Variants in MYRFL observed in about 807,000 individuals in gnomAD.
MYRFL encodes myelin regulatory factor like.
In MYRFL, 88 loss-of-function variants were observed where a neutral mutation model predicts 109.4. The ratio of observed to expected loss-of-function variants is 0.80; its 90% CI spans 0.68 to 0.96. MYRFL has a LOEUF of 0.96. MYRFL is among the 40% of genes least tolerant of loss of function. The probability of loss-of-function intolerance (pLI) is 0.00; values close to 1 mark genes in which losing one functional copy is unlikely to be tolerated. For synonymous variants in MYRFL, 324 were observed against 320.9 expected, an observed-to-expected ratio of 1.01 and a Z score of -0.10; for missense variants, 957 against 954.9, an observed-to-expected ratio of 1.00 and a Z score of -0.03.
At chr12:69,872,954 T>TTAA (rs1366384535) in intron 2 of MYRFL, among the ~76,000 whole-genome samples, 2 of 152,170 alleles carry the variant, frequency 1.3e-5, no homozygotes, top group African/African-American at 4.8e-5. Flanking sequence ...ATGGGAGTGT[T>TTAA]TAATCTTTTA....
At chr12:69,927,636 C>T in intron 14 of MYRFL, 49 bp from the exon 15 acceptor site, 3 of 1,380,842 alleles carry the variant, frequency 2.2e-6, no homozygotes, top group Non-Finnish European at 3.0e-6. Context: ...TGTCATGTAT[C>T]TCCTGGAGAG....
At chr12:69,929,879 G>A (rs1036329127) in intron 15 of MYRFL, among the ~76,000 whole-genome samples, 8 of 152,186 alleles carry the variant, frequency 5.3e-5, no homozygotes, top group African/African-American at 4.8e-5. Flanking sequence ...TTATTGTGAG[G>A]ATTAAATAAA....
At position 69,936,078 on chromosome 12, in the gene MYRFL, G is replaced by GTTTTTTT. The variant is rs71098067; in HGVS notation, c.1917-12_1917-6dup. The GTTTTTTT allele has an allele frequency of 9.2e-5, 82 of 893,910 alleles. 5 individuals are homozygous for GTTTTTTT. Among genetic ancestry groups the GTTTTTTT allele is most frequent in the East Asian group, 5.4e-4 (9 of 16,628 alleles). 55.4% of individuals were successfully genotyped at this position (893,910 alleles called of 1,614,324 possible). On this transcript the variant is annotated intron_variant, in intron 16 of 24. Transcript: ENST00000552032. ...TCTGGAAACAAATCTGCCACATAAT[G>GTTTTTTT]TTTTTTTTTTTTTTTTTTTTTTTTT...
chr12:69,854,363 G>GAGAGGA (rs1884138979), intron 1 of MYRFL, among the ~76,000 whole-genome samples: 1 of 151,572 alleles, frequency 6.6e-6, no homozygotes, highest in South Asian at 2.1e-4. Flanking sequence ...GAGGGAGAGG[G>GAGAGGA]AGAGGGAGAG....
chr12:69,942,429 A>C (rs1408791944), intron 19 of MYRFL, among the ~76,000 whole-genome samples: 1 of 150,544 alleles, frequency 6.6e-6, no homozygotes, highest in Non-Finnish European at 1.5e-5. Context: ...AGCCAAAGAC[A>C]AAAACCACAT....
intron 19 of MYRFL, among the ~76,000 whole-genome samples, chr12:69,951,734 C>T (rs973985444): frequency 6.6e-6 from 1 of 152,192 alleles, no homozygotes; most frequent in African/African-American, 2.4e-5. Context: ...GGCTCCTAAT[C>T]TTCTGCTCTT....
intron 1 of MYRFL, among the ~76,000 whole-genome samples, chr12:69,851,049 G>C (rs1883849372): frequency 6.6e-6 from 1 of 151,994 alleles, no homozygotes; most frequent in African/African-American, 2.4e-5. Context: ...TCATGGAATG[G>C]ATCTTACTTA....
intron 8 of MYRFL, among the ~76,000 whole-genome samples, chr12:69,894,818 T>C (rs1206836021): frequency 6.6e-6 from 1 of 152,222 alleles, no homozygotes; most frequent in East Asian, 1.9e-4. Context: ...AAGAAGATGA[T>C]TTCATGGCCT....
At chr12:69,910,977 A>T in intron 13 of MYRFL, 47 bp downstream of exon 13, 1 of 1,346,830 alleles carries the variant, frequency 7.4e-7, no homozygotes, top group Non-Finnish European at 1.0e-6. Context: ...CAGTCTAGGG[A>T]TAAACCCCCT....
chr12:69,841,234 C>T (rs181893653), intron 1 of MYRFL, among the ~76,000 whole-genome samples: 137 of 152,254 alleles, frequency 9.0e-4, no homozygotes, highest in Middle Eastern at 6.8e-3. Context: ...GCTCCTTCCC[C>T]GGCTCCTCAT....
intron 2 of MYRFL, 112 bp from the exon 3 acceptor site, chr12:69,878,916 C>G (rs1885866130): frequency 1.5e-6 from 1 of 679,130 alleles, no homozygotes; most frequent in Non-Finnish European, 2.7e-6. Flanking sequence ...CCATGCCCAG[C>G]ACCTGGAACC....
intron 15 of MYRFL, among the ~76,000 whole-genome samples, chr12:69,928,960 C>CTCTT (rs1955185594): frequency 6.6e-6 from 1 of 152,136 alleles, no homozygotes; most frequent in Non-Finnish European, 1.5e-5. Flanking sequence ...ATAAGAGATT[C>CTCTT]TCTTTATTTT....
intron 9 of MYRFL, among the ~76,000 whole-genome samples, 152 bp from the exon 10 acceptor site, chr12:69,897,004 G>A (rs182687314): frequency 6.6e-6 from 1 of 152,340 alleles, no homozygotes; most frequent in East Asian, 1.9e-4. Context: ...TCACTGGGGG[G>A]ACAACTTAGA....
intron 7 of MYRFL, among the ~76,000 whole-genome samples, chr12:69,893,411 G>A (rs1440003987): frequency 6.6e-6 from 1 of 152,084 alleles, no homozygotes; most frequent in Non-Finnish European, 1.5e-5. Flanking sequence ...GCAGTTCCTC[G>A]TACATAGTGG....
intron 19 of MYRFL, among the ~76,000 whole-genome samples, chr12:69,951,707 C>T (rs983145659): frequency 2.0e-5 from 3 of 152,202 alleles, no homozygotes; most frequent in Admixed American, 2.0e-4. Context: ...GGATTACAGG[C>T]GTGAGCCACC....
chr12:69,909,541 A>T (rs1954484557), intron 11 of MYRFL, among the ~76,000 whole-genome samples: 1 of 152,200 alleles, frequency 6.6e-6, no homozygotes, highest in South Asian at 2.1e-4. Context: ...TTTTTGTCAG[A>T]TAAAGATATT....
At chr12:69,922,104 G>A (rs61928028) in intron 13 of MYRFL, among the ~76,000 whole-genome samples, 3,760 of 152,142 alleles carry the variant, frequency 0.025, 78 homozygotes, top group Middle Eastern at 0.044. Flanking sequence ...ACAGTCCTGC[G>A]TGGTAGATTG....
chr12:69,862,528 A>G (rs1421752040), intron 2 of MYRFL, among the ~76,000 whole-genome samples: 3 of 150,230 alleles, frequency 2.0e-5, no homozygotes, highest in African/African-American at 7.3e-5. Context: ...ATGGGAGTTC[A>G]CTCATGATTT....
At chr12:69,910,134 A>G in intron 12 of MYRFL, 57 bp downstream of exon 12, 1 of 1,177,172 alleles carries the variant, frequency 8.5e-7, no homozygotes, top group South Asian at 1.5e-5. Flanking sequence ...AATTTTAATT[A>G]CCTCTTTATT....
Sources: gnomAD v4.1 joint callset for allele counts (sites outside exome capture counted in the v4.1 genomes callset) on GRCh38, gnomAD v4.1.1 for gene constraint, MANE v1.5 for transcripts, NCBI Gene and HGNC (gene_info 2026-07-23, HGNC 2026-07-21) for gene names.